GPRIN2: variants seen among roughly 807,000 people sequenced by gnomAD.
GPRIN2 encodes the protein G protein-regulated inducer of neurite outgrowth 2.
In GPRIN2, 1 loss-of-function variant was observed where a neutral mutation model predicts 0.3. The observed-to-expected ratio is 3.90, with a 90% CI of 1.39 to 18.51. The LOEUF (loss-of-function observed/expected upper bound fraction) is 18.51. Among genes scored for constraint, GPRIN2 ranks in the 30% most tolerant of loss-of-function variants. The probability of loss-of-function intolerance (pLI) is 0.11; values close to 1 mark genes in which losing one functional copy is unlikely to be tolerated. For synonymous variants in GPRIN2, 361 were observed against 258.6 expected (o/e 1.40, Z -3.80); for missense variants, 880 against 604.2 (o/e 1.46, Z -4.79).
rs1842000022 is a variant in GPRIN2 at position 46,544,613 on chromosome 10, T to C, written c.*4747A>G. On this transcript the variant is annotated 3_prime_UTR_variant, in exon 3 of 3. Coordinates refer to ENST00000374314, the MANE Select transcript of GPRIN2 (RefSeq NM_001385282.1). ...TGCTGGGATTACAGGCATGAGCCAC[T>C]GTACCAGGCTGAGTCCACACTTCTA... Among the ~76,000 whole-genome samples the C allele has an allele frequency of 6.6e-6, 1 of 152,296 alleles. No homozygotes were observed. The highest frequency in any genetic ancestry group is 2.4e-5 in the African/African-American group (1 of 41,484).
Position 46,550,262 on chromosome 10 carries a change from C to T in GPRIN2, c.475G>A (p.Gly159Ser), listed in dbSNP as rs1832431314. 1.9e-6 allele frequency: 3 copies of T among 1,611,082 alleles called. No individual in the cohort carries two copies. Among genetic ancestry groups the T allele is most frequent in the Non-Finnish European group, 2.5e-6 (3 of 1,178,506 alleles). ...TGGCCACCCTGGCCAGAAGTACCAC[C>T]TGGCTGCAGCTGAGCCCTGTGGACA... ...SPVHRAQLQP[G>S]GTSGQGGQAP... is the part of the protein sequence containing the mutation. The change falls in exon 3 of 3, where the codon GGT becomes AGT. Residue 159 changes from glycine to serine, a missense_variant. Physicochemically the swap from Gly to Ser is moderately conservative, Grantham distance 56. Transcript: ENST00000374314.
In GPRIN2 at chr10:46,542,984, T is replaced by A. The variant is rs1473497914; in HGVS notation, c.*6376A>T. On this transcript the variant is annotated 3_prime_UTR_variant, in exon 3 of 3. Coordinates refer to ENST00000374314, the MANE Select transcript of GPRIN2 (RefSeq NM_001385282.1). ...CCACCAAAAGTTAGGACTGATGGGGTGCCCTTCCAGCCCGACCAAAGTCCT... is the reference window on the plus strand; with the variant it reads ...CCACCAAAAGTTAGGACTGATGGGGAGCCCTTCCAGCCCGACCAAAGTCCT... 2.0e-5 allele frequency among the ~76,000 whole-genome samples: 3 copies of A among 152,304 alleles called. No individual in the cohort carries two copies. The highest frequency in any genetic ancestry group is 1.9e-4 in the East Asian group (1 of 5,208).
chr10:46,550,858 CTGCCTGACTGGTCAGAACCATA>C, intron 2 of GPRIN2, 116 bp from the exon 3 acceptor site: 1 of 1,196,400 alleles, frequency 8.4e-7, no homozygotes, highest in South Asian at 2.2e-5. Flanking sequence ...CAGTCCCAGC[CTGCCTGACTGGTCAGAACCATA>C]TGCAAGGCAG....
In GPRIN2 at chr10:46,556,629, G is replaced by T. The variant is rs1296512835; in HGVS notation, c.-249C>A. Among the ~76,000 whole-genome samples the T allele has an allele frequency of 6.6e-6, 1 of 151,934 alleles. No individual in the cohort carries two copies. Among genetic ancestry groups the T allele is most frequent in the Non-Finnish European group, 1.5e-5 (1 of 67,940 alleles). ...GCGCGAGACGCCGCCCGCCGCCGTC[G>T]GCCCGGCCCGCGGAGCAAGCGCCGG... is the stretch of plus-strand genomic sequence containing the variant. On this transcript the variant is annotated 5_prime_UTR_variant, in exon 1 of 3. Transcript: ENST00000374314.
intron 2 of GPRIN2, chr10:46,551,358 A>G: frequency 2.0e-6 from 2 of 981,392 alleles, no homozygotes; most frequent in South Asian, 4.7e-5. Flanking sequence ...AACCACCCCC[A>G]TCCTCCTTGG....
rs1476902159 is a variant in GPRIN2, at chr10:46,544,399, C to T, written c.*4961G>A. 6.6e-6 allele frequency among the ~76,000 whole-genome samples: 1 copy of T among 152,310 alleles called. No homozygotes were observed. The highest frequency in any genetic ancestry group is 1.5e-5 in the Non-Finnish European group (1 of 68,056). On this transcript the variant is annotated 3_prime_UTR_variant, in exon 3 of 3. Coordinates refer to ENST00000374314, the MANE Select transcript of GPRIN2 (RefSeq NM_001385282.1). ...AGCACAGTGGCACTATCTCGGCTCA[C>T]TGCAACCTCCACCTCCTGGGCTCAA...
chr10:46,542,522 G>A lies in GPRIN2; in HGVS notation c.*6838C>T, dbSNP rs940327510. On this transcript the variant is annotated 3_prime_UTR_variant, in exon 3 of 3. Transcript: ENST00000374314. The stretch of plus-strand genomic sequence containing the variant: ...CTTCCTGCTGCCTTGTGAAGAAGGT[G>A]CCTTGCTTCTCCTTCGCTGTCTGCC... 6.6e-6 allele frequency among the ~76,000 whole-genome samples: 1 copy of A among 152,312 alleles called. No individual in the cohort carries two copies. Among genetic ancestry groups the A allele is most frequent in the African/African-American group, 2.4e-5 (1 of 41,488 alleles).
rs1000957539 is a variant in GPRIN2, at chr10:46,547,764, C to T, written c.*1596G>A. Among the ~76,000 whole-genome samples, 35 of 152,400 alleles carry T rather than the reference C, an allele frequency of 2.3e-4. No individual in the cohort carries two copies. Among genetic ancestry groups the T allele is most frequent in the Middle Eastern group, 3.4e-3 (1 of 294 alleles). ...CCAGAACGTGAGCTGCCTGCCCTGGCACCATACACAAAGGGACTGACAGCC... is the reference window on the plus strand; with the variant it reads ...CCAGAACGTGAGCTGCCTGCCCTGGTACCATACACAAAGGGACTGACAGCC... On this transcript the variant is annotated 3_prime_UTR_variant, in exon 3 of 3. Transcript: ENST00000374314.
intron 2 of GPRIN2, among the ~76,000 whole-genome samples, chr10:46,553,013 CG>C (rs1832077506): frequency 6.6e-6 from 1 of 152,308 alleles, no homozygotes; most frequent in Non-Finnish European, 1.5e-5. Context: ...CCTGATCACT[CG>C]CCAAGGGCCA....
Position 46,546,447 on chromosome 10 carries a change from C to T in GPRIN2, c.*2913G>A, listed in dbSNP as rs1008904628. 2.8e-4 allele frequency among the ~76,000 whole-genome samples: 42 copies of T among 152,238 alleles called. No individual in the cohort carries two copies. Among genetic ancestry groups the T allele is most frequent in the Admixed American group, 6.5e-4 (10 of 15,286 alleles). ...CAAAATAAACAAGACCAGTCAGGAC[C>T]GATGCCCCATCCCTGCTGGGGTCTG... On this transcript the variant is annotated 3_prime_UTR_variant, in exon 3 of 3. Transcript: ENST00000374314.
At chr10:46,557,138 C>T (rs1233880036), upstream of GPRIN2, among the ~76,000 whole-genome samples, 1 of 152,260 alleles carries the variant, frequency 6.6e-6, no homozygotes, top group Non-Finnish European at 1.5e-5. Context: ...TCTCACAATT[C>T]TCTGGCTCCA....
At position 46,549,602 on chromosome 10, in the gene GPRIN2, C is replaced by A; in HGVS notation, c.1135G>T (p.Val379Leu). 6.2e-7 allele frequency: 1 copy of A among 1,614,258 alleles called. No individual in the cohort carries two copies. Among genetic ancestry groups the A allele is most frequent in the Non-Finnish European group, 8.5e-7 (1 of 1,180,024 alleles). ...TCAGCATCCCATCGCACATCCCGCA[C>A]AGGGGACGGCACCTCCTCCAGGCTG... The part of the protein sequence containing the change: ...GSSLEEVPSP[V>L]RDVRWDAEGM... Residue 379 changes from valine (V) to leucine (L), a missense_variant, in exon 3 of 3, where the codon GTG (valine) becomes TTG (leucine). Transcript: ENST00000374314.
In GPRIN2 at chr10:46,543,184, A is replaced by G. The variant is rs1841884215; in HGVS notation, c.*6176T>C. On this transcript the variant is annotated 3_prime_UTR_variant, in exon 3 of 3. Transcript: ENST00000374314. The stretch of plus-strand genomic sequence containing the variant: ...AGAGAAAGGGCCTAGACCCATGTAA[A>G]TCACAAATGCCAAGACCCAGACACA... Among the ~76,000 whole-genome samples, 1 of 152,310 alleles carries G rather than the reference A, an allele frequency of 6.6e-6. No individual in the cohort carries two copies. Among genetic ancestry groups the G allele is most frequent in the African/African-American group, 2.4e-5 (1 of 41,488 alleles).
chr10:46,549,598 C>G lies in GPRIN2; in HGVS notation c.1139G>C (p.Arg380Pro), dbSNP rs150696937. The change falls in exon 3 of 3, where the codon CGG becomes CCG. Residue 380 changes from arginine to proline, a missense_variant. Arg to Pro is a moderately radical substitution (Grantham distance 103). Transcript: ENST00000374314. Reference protein sequence around the residue: ...SSLEEVPSPVRDVRWDAEGMT... With the variant: ...SSLEEVPSPVPDVRWDAEGMT... ...GCCCTCAGCATCCCATCGCACATCC[C>G]GCACAGGGGACGGCACCTCCTCCAG... is the stretch of plus-strand genomic sequence containing the variant. 4 of 1,614,030 alleles carry G rather than the reference C, an allele frequency of 2.5e-6. No individual in the cohort carries two copies. Among genetic ancestry groups the G allele is most frequent in the Non-Finnish European group, 3.4e-6 (4 of 1,179,940 alleles).
chr10:46,549,814 G>A lies in GPRIN2; in HGVS notation c.923C>T (p.Ser308Phe). Residue 308 changes from serine to phenylalanine, a missense_variant, in exon 3 of 3, where the codon TCT becomes TTT. Ser to Phe is a radical substitution (Grantham distance 155). Coordinates refer to ENST00000374314, the MANE Select transcript of GPRIN2 (RefSeq NM_001385282.1). Reference sequence around the variant, plus strand: ...CATGGTCCACACATCTTTGGTCCTAGAGCCAGGCTCTGGGACTAACCCAGC... The same window carrying A: ...CATGGTCCACACATCTTTGGTCCTAAAGCCAGGCTCTGGGACTAACCCAGC... ...GPAGLVPEPG[S>F]RTKDVWTMTS... The A allele has an allele frequency of 6.2e-7, 1 of 1,614,206 alleles. No individual in the cohort carries two copies. Among genetic ancestry groups the A allele is most frequent in the Non-Finnish European group, 8.5e-7 (1 of 1,180,060 alleles).
upstream of GPRIN2, among the ~76,000 whole-genome samples, chr10:46,557,539 G>A (rs1843369711): frequency 6.6e-6 from 1 of 152,308 alleles, no homozygotes; most frequent in Admixed American, 6.5e-5. Flanking sequence ...GACCGTGCGG[G>A]GATGAGCCAC....
Position 46,549,083 on chromosome 10 carries a change from A to C in GPRIN2, c.*277T>G, listed in dbSNP as rs1457005558. The C allele has an allele frequency of 2.4e-6, 1 of 416,984 alleles. No homozygotes were observed. The allele number at this position is 416,984 out of a possible 1,614,324, so 25.8% of individuals were successfully genotyped here. On this transcript the variant is annotated 3_prime_UTR_variant, in exon 3 of 3. Coordinates refer to ENST00000374314, the MANE Select transcript of GPRIN2 (RefSeq NM_001385282.1). Reference sequence around the variant, plus strand: ...GGTCATTTTTTACAGAAAACTCAGGATCTCCCCTCTGCACAGTGCTAAAGC... The same window carrying C: ...GGTCATTTTTTACAGAAAACTCAGGCTCTCCCCTCTGCACAGTGCTAAAGC...
At position 46,545,395 on chromosome 10, in the gene GPRIN2, G is replaced by A. The variant is rs1842069470; in HGVS notation, c.*3965C>T. Among the ~76,000 whole-genome samples, 1 of 152,308 alleles carries A rather than the reference G, an allele frequency of 6.6e-6. No homozygotes were observed. Among genetic ancestry groups the A allele is most frequent in the Non-Finnish European group, 1.5e-5 (1 of 68,058 alleles). ...ACTGCATCCAGGGCTCCCCTTTAGG[G>A]TCTGACTTGGACTGAAATCACACCC... is the stretch of plus-strand genomic sequence containing the variant. On this transcript the variant is annotated 3_prime_UTR_variant, in exon 3 of 3. Coordinates refer to ENST00000374314, the MANE Select transcript of GPRIN2 (RefSeq NM_001385282.1).
Position 46,547,375 on chromosome 10 carries a change from C to T in GPRIN2, c.*1985G>A, listed in dbSNP as rs1842259915. ...CACCTCAGAACCCCTTCCACAGTTC[C>T]CTTAAAGTTCCTTTCCTCATTTACA... On this transcript the variant is annotated 3_prime_UTR_variant, in exon 3 of 3. Transcript: ENST00000374314. Among the ~76,000 whole-genome samples, 1 of 152,306 alleles carries T rather than the reference C, an allele frequency of 6.6e-6. No homozygotes were observed. Among genetic ancestry groups the T allele is most frequent in the African/African-American group, 2.4e-5 (1 of 41,486 alleles).
Sources: gnomAD v4.1 joint callset for allele counts (sites outside exome capture counted in the v4.1 genomes callset) on GRCh38, gnomAD v4.1.1 for gene constraint, MANE v1.5 for transcripts, NCBI Gene and HGNC (gene_info 2026-07-23, HGNC 2026-07-21) for gene names.